The following RELCH variants were observed in gnomAD, a reference collection of about 807,000 sequenced individuals.
The protein encoded by RELCH is RAB11 binding and LisH domain, coiled-coil and HEAT repeat containing.
RELCH carries 41 observed loss-of-function variants against 150.3 expected under a neutral mutation model. That is an observed-to-expected ratio of 0.27 (90% CI 0.21 to 0.35). RELCH has a LOEUF of 0.35. RELCH is among the 10% of genes least tolerant of loss of function. RELCH has a pLI of 1.00. For missense variants in RELCH, 1,092 were observed against 1,467.8 expected (o/e 0.74, Z 4.18); for synonymous variants, 478 against 531.8 (o/e 0.90, Z 1.39).
chr18:62,208,358 A>T (rs74593588), intron 1 of RELCH, among the ~76,000 whole-genome samples: 2 of 30,382 alleles, frequency 6.6e-5, no homozygotes, highest in East Asian at 2.3e-3. Context: ...TTTTAAAGCA[A>T]AAAAAAAAAA....
rs1447636772 is a variant in RELCH at position 62,264,820 on chromosome 18, C to T, written c.2599C>T (p.Arg867Trp). 4.4e-6 allele frequency: 7 copies of T among 1,608,014 alleles called. No individual in the cohort carries two copies. Among genetic ancestry groups the T allele is most frequent in the Admixed American group, 1.7e-5 (1 of 59,172 alleles). ...CTCCAGATTTTTCTGGCGCCTTTGC[C>T]GGACATTTGGCAAAATTTTTACAAA... ...EFSRFFWRLC[R>W]TFGKIFTNTK... Residue 867 changes from arginine (R) to tryptophan (W), a missense_variant, in exon 18 of 29, where the codon CGG (arginine) becomes TGG (tryptophan). Arg to Trp is a moderately radical substitution (Grantham distance 101, BLOSUM62 -3). This residue lies in a region of RELCH where 707 missense variants were observed against 1,025.4 expected (regional missense o/e 0.69). Coordinates refer to ENST00000644646, the MANE Select transcript of RELCH (RefSeq NM_001346231.2).
intron 26 of RELCH, among the ~76,000 whole-genome samples, chr18:62,289,923 C>T (rs1042932644): frequency 6.6e-6 from 1 of 152,210 alleles, no homozygotes; most frequent in Non-Finnish European, 1.5e-5. Context: ...CTAGATCAGA[C>T]TCTTAAACTA....
In RELCH at chr18:62,281,479, C is replaced by A. The variant is rs1463945639; in HGVS notation, c.3114+770C>A. On this transcript the variant is annotated intron_variant, in intron 24 of 28. Coordinates refer to ENST00000644646, the MANE Select transcript of RELCH (RefSeq NM_001346231.2). ...TGTCATGCCTGTTTCAGGAGACCAC[C>A]AAGGTCTTCCTTCTTAAAGGTGTAT... Among the ~76,000 whole-genome samples, 3 of 152,190 alleles carry A rather than the reference C, an allele frequency of 2.0e-5. No homozygotes were observed. In the East Asian group the frequency reaches 5.8e-4, roughly 29 times the overall value.
At position 62,187,923 on chromosome 18, in the gene RELCH, C is replaced by A; in HGVS notation, c.418C>A (p.Gln140Lys). ...CTCCAATCCAGGCAACTTCGAGAGG[C>A]AAAGTGGAACCCCGCCGGGGATGGG... Reference protein sequence around the residue: ...YFSNPGNFERQSGTPPGMGAP... With the variant: ...YFSNPGNFERKSGTPPGMGAP... Residue 140 changes from glutamine (Q) to lysine (K), a missense_variant, in exon 1 of 29, where the codon CAA becomes AAA. By Grantham distance (53) the Gln-to-Lys change is moderately conservative. This residue lies in a region of RELCH where 190 missense variants were observed against 276.2 expected (regional missense o/e 0.69). Coordinates refer to ENST00000644646, the MANE Select transcript of RELCH (RefSeq NM_001346231.2). The A allele has an allele frequency of 6.3e-7, 1 of 1,596,464 alleles. No homozygotes were observed. The highest frequency in any genetic ancestry group is 1.8e-5 in the Admixed American group (1 of 56,414).
At position 62,228,509 on chromosome 18, in the gene RELCH, C is replaced by T. The variant is rs149162254; in HGVS notation, c.1359C>T (p.Ser453=). Residue 453 remains serine, a synonymous_variant, in exon 8 of 29, where the codon TCC becomes TCT. Coordinates refer to ENST00000644646, the MANE Select transcript of RELCH (RefSeq NM_001346231.2). ...EADSTIPKEN[S]PNSFPRRERE... ...ATTCCACTATTCCTAAAGAGAATTC[C>T]CCAAATTCATTCCCCAGGAGAGAAA... 346 of 1,613,034 alleles carry T rather than the reference C, an allele frequency of 2.1e-4. No individual in the cohort carries two copies. The highest frequency in any genetic ancestry group is 2.7e-4 in the Non-Finnish European group (320 of 1,179,458).
intron 1 of RELCH, among the ~76,000 whole-genome samples, chr18:62,195,762 CTTGGCTCA>C (rs2038991994): frequency 6.6e-6 from 1 of 151,256 alleles, no homozygotes; most frequent in Non-Finnish European, 1.5e-5. Context: ...GTGGTGCAGT[CTTGGCTCA>C]CTGCCATCTC....
At chr18:62,304,411 A>G (rs1024745704) in intron 28 of RELCH, among the ~76,000 whole-genome samples, 5 of 152,226 alleles carry the variant, frequency 3.3e-5, no homozygotes, top group African/African-American at 4.8e-5. Context: ...ACACCCTTAT[A>G]GACTACATAG....
intron 27 of RELCH, among the ~76,000 whole-genome samples, chr18:62,297,816 G>A (rs926385886): frequency 2.0e-5 from 3 of 152,212 alleles, no homozygotes; most frequent in Middle Eastern, 3.4e-3. Flanking sequence ...CCTTTGAGCA[G>A]CCTCTTCCTA....
intron 8 of RELCH, 41 bp downstream of exon 8, chr18:62,228,639 A>G (rs781569992): frequency 1.3e-5 from 19 of 1,463,888 alleles, no homozygotes; most frequent in East Asian, 2.3e-5. Flanking sequence ...TCTTTCAGCT[A>G]TTTAGTACAT....
chr18:62,282,481 A>G (rs1568430189), intron 25 of RELCH, 37 bp downstream of exon 25: 1 of 1,602,506 alleles, frequency 6.2e-7, no homozygotes, highest in Non-Finnish European at 8.5e-7. Flanking sequence ...CTGAATTGTA[A>G]TGTAAGATCA....
chr18:62,300,005 C>A (rs1049255487), intron 28 of RELCH: 1 of 152,048 alleles, frequency 6.6e-6, no homozygotes, highest in Non-Finnish European at 1.5e-5. Context: ...TAGTTTGTTT[C>A]TTTGAGTCAG....
At chr18:62,263,167 G>A (rs779184557) in intron 16 of RELCH, among the ~76,000 whole-genome samples, 7 of 152,020 alleles carry the variant, frequency 4.6e-5, no homozygotes, top group Non-Finnish European at 8.8e-5. Context: ...CCCATTCTGA[G>A]ATACTATAGG....
At chr18:62,280,384 G>A in intron 23 of RELCH, 8 of 1,614,028 alleles carry the variant, frequency 5.0e-6, no homozygotes, top group Non-Finnish European at 6.8e-6. Flanking sequence ...CATGAGTGAA[G>A]CGTTAGTTGA....
chr18:62,260,193 CAAA>C (rs377119786), intron 15 of RELCH, among the ~76,000 whole-genome samples: 1 of 95,810 alleles, frequency 1.0e-5, no homozygotes, highest in Non-Finnish European at 2.0e-5. Context: ...AACTCAACAG[CAAA>C]AAAAAAAAAT....
rs2041091252 is a variant in RELCH at position 62,224,524 on chromosome 18, A to G, written c.859-2765A>G. 3.9e-5 allele frequency among the ~76,000 whole-genome samples: 6 copies of G among 152,136 alleles called. No individual in the cohort carries two copies. In the South Asian group the frequency reaches 1.0e-3, roughly 26 times the overall value. On this transcript the variant is annotated intron_variant, in intron 5 of 28. Transcript: ENST00000644646. The stretch of plus-strand genomic sequence containing the variant: ...CATGATCATGTGTATAGAAAATCCT[A>G]TAGACTCTCCAAAAACGGTACAAAA...
chr18:62,297,899 C>T (rs2045488217), intron 27 of RELCH, among the ~76,000 whole-genome samples: 1 of 152,196 alleles, frequency 6.6e-6, no homozygotes, highest in African/African-American at 2.4e-5. Context: ...GAAGCCTACC[C>T]TGAACACTTC....
chr18:62,264,287 C>T (rs1336722630), intron 17 of RELCH, 142 bp downstream of exon 17: 24 of 625,674 alleles, frequency 3.8e-5, no homozygotes, highest in South Asian at 3.3e-4. Flanking sequence ...AGAGGATTCA[C>T]ACCATTGGAT....
chr18:62,242,234 C>A, intron 10 of RELCH, among the ~76,000 whole-genome samples: 1 of 152,006 alleles, frequency 6.6e-6, no homozygotes, highest in Non-Finnish European at 1.5e-5. Flanking sequence ...AATTTGCCAG[C>A]AAGAAATAAA....
At chr18:62,211,351 A>T in intron 2 of RELCH, 109 bp downstream of exon 2, 1 of 584,352 alleles carries the variant, frequency 1.7e-6, no homozygotes, top group Non-Finnish European at 3.0e-6. Context: ...TATAACATAT[A>T]TAGTTATTAT....
Sources: allele counts gnomAD v4.1 joint callset (sites outside exome capture counted in the v4.1 genomes callset), GRCh38; gene constraint gnomAD v4.1.1; regional missense constraint gnomAD v4.1.1; transcripts MANE v1.5; gene names NCBI Gene and HGNC (gene_info 2026-07-23, HGNC 2026-07-21).